CECR2: variants seen among roughly 807,000 people sequenced by gnomAD.
The protein encoded by CECR2 is CECR2 histone acetyl-lysine reader.
In CECR2, 30 loss-of-function variants were observed where a neutral mutation model predicts 154.5. The observed-to-expected ratio is 0.19, with a 90% CI of 0.15 to 0.26. CECR2 has a LOEUF of 0.26. CECR2 is among the 10% of genes least tolerant of loss of function. CECR2 has a pLI of 1.00. For synonymous variants in CECR2, 725 were observed against 683.7 expected (o/e 1.06, Z -0.94); for missense variants, 1,743 against 1,829.3 (o/e 0.95, Z 0.86).
At chr22:17,543,667 C>T (rs1342099006) in intron 16 of CECR2, among the ~76,000 whole-genome samples, 1 of 151,654 alleles carries the variant, frequency 6.6e-6, no homozygotes, top group Non-Finnish European at 1.5e-5. Flanking sequence ...TCAAGCAATT[C>T]TCCTGCCTCA....
At chr22:17,469,090 A>G (rs1051543017) in intron 1 of CECR2, among the ~76,000 whole-genome samples, 1 of 150,436 alleles carries the variant, frequency 6.6e-6, no homozygotes, top group African/African-American at 2.4e-5. Flanking sequence ...AATTTTATGT[A>G]CAATTTCAGT....
At chr22:17,373,696 T>C (rs1241902803) in intron 1 of CECR2, among the ~76,000 whole-genome samples, 4 of 152,204 alleles carry the variant, frequency 2.6e-5, no homozygotes, top group African/African-American at 9.7e-5. Context: ...CAGTAGTTGA[T>C]ATAAACAGAT....
At chr22:17,516,382 C>G (rs925037460) in intron 8 of CECR2, among the ~76,000 whole-genome samples, 1 of 152,086 alleles carries the variant, frequency 6.6e-6, no homozygotes, top group Non-Finnish European at 1.5e-5. Flanking sequence ...GAACACAAAT[C>G]TCGAAGTGCA....
chr22:17,442,136 GGGAAA>G (rs1267546210), intron 1 of CECR2, among the ~76,000 whole-genome samples: 6 of 132,572 alleles, frequency 4.5e-5, no homozygotes, highest in African/African-American at 2.2e-4. Flanking sequence ...GATTCAAGGT[GGGAAA>G]GACAGAAAAA....
At chr22:17,473,965 A>G (rs1256506065) in intron 1 of CECR2, among the ~76,000 whole-genome samples, 1 of 152,242 alleles carries the variant, frequency 6.6e-6, no homozygotes, top group African/African-American at 2.4e-5. Flanking sequence ...CTGTTTTGAT[A>G]GAACATTCTT....
At chr22:17,524,037 A>T in intron 8 of CECR2, 81 bp from the exon 9 acceptor site, 1 of 1,123,890 alleles carries the variant, frequency 8.9e-7, no homozygotes, top group Non-Finnish European at 1.3e-6. Flanking sequence ...TGTTGAAAAT[A>T]CTGAATTCAA....
chr22:17,436,752 C>T (rs767110902), intron 1 of CECR2, among the ~76,000 whole-genome samples: 3 of 152,120 alleles, frequency 2.0e-5, no homozygotes, highest in Non-Finnish European at 4.4e-5. Flanking sequence ...GAAAAAGGGG[C>T]GGAGGAGAAG....
intron 6 of CECR2, among the ~76,000 whole-genome samples, chr22:17,504,384 A>T (rs1348301040): frequency 6.6e-6 from 1 of 151,874 alleles, no homozygotes; most frequent in African/African-American, 2.4e-5. Context: ...CAAAAAAAAT[A>T]AAATTAAGTA....
chr22:17,385,270 G>T (rs1461973841), intron 1 of CECR2, among the ~76,000 whole-genome samples: 1 of 152,112 alleles, frequency 6.6e-6, no homozygotes, highest in Non-Finnish European at 1.5e-5. Flanking sequence ...TGGCTAACTG[G>T]CTCAAGAGGC....
At chr22:17,524,582 C>T (rs1389618209) in intron 9 of CECR2, among the ~76,000 whole-genome samples, 2 of 135,420 alleles carry the variant, frequency 1.5e-5, no homozygotes, top group African/African-American at 2.9e-5. Flanking sequence ...TTAGTTGAGA[C>T]GGGGTTTCAC....
At chr22:17,490,600 A>G (rs1011462891) in intron 2 of CECR2, among the ~76,000 whole-genome samples, 1 of 151,390 alleles carries the variant, frequency 6.6e-6, no homozygotes, top group Non-Finnish European at 1.5e-5. Context: ...ACGCCCGGCT[A>G]ATTTTTTTTT....
At chr22:17,525,059 G>A (rs568273484) in intron 9 of CECR2, among the ~76,000 whole-genome samples, 41 of 149,322 alleles carry the variant, frequency 2.7e-4, no homozygotes, top group Non-Finnish European at 1.2e-4. Flanking sequence ...CAAGGGGGGC[G>A]GATCACATGA....
chr22:17,397,679 A>G (rs1220765321), intron 1 of CECR2, among the ~76,000 whole-genome samples: 1 of 150,874 alleles, frequency 6.6e-6, no homozygotes, highest in Non-Finnish European at 1.5e-5. Context: ...TTGTACTTTT[A>G]GTAGAAACGG....
At chr22:17,380,306 C>T (rs2063172347) in intron 1 of CECR2, among the ~76,000 whole-genome samples, 1 of 152,174 alleles carries the variant, frequency 6.6e-6, no homozygotes, top group African/African-American at 2.4e-5. Context: ...GTTAGCCATA[C>T]ACTCATTTAA....
At chr22:17,453,136 G>C (rs556769608) in intron 1 of CECR2, among the ~76,000 whole-genome samples, 1 of 151,962 alleles carries the variant, frequency 6.6e-6, no homozygotes, top group Non-Finnish European at 1.5e-5. Context: ...AGGTCTTTTC[G>C]TGCAGGCTAT....
At chr22:17,396,786 C>A (rs1385003290) in intron 1 of CECR2, among the ~76,000 whole-genome samples, 3 of 152,118 alleles carry the variant, frequency 2.0e-5, no homozygotes, top group South Asian at 2.1e-4. Flanking sequence ...AAGATCACTT[C>A]ACTGTTAGTA....
upstream of CECR2, among the ~76,000 whole-genome samples, chr22:17,366,703 G>A (rs975047945): frequency 6.6e-6 from 1 of 152,148 alleles, no homozygotes; most frequent in African/African-American, 2.4e-5. Context: ...AAGGGGAGGC[G>A]TGGCACAGAT....
intron 1 of CECR2, among the ~76,000 whole-genome samples, chr22:17,404,038 T>C (rs112101295): frequency 0.018 from 2,723 of 151,796 alleles, 72 homozygotes; most frequent in African/African-American, 0.063. Context: ...GTCAGGAGGA[T>C]CACGAGGTCA....
intron 1 of CECR2, among the ~76,000 whole-genome samples, chr22:17,391,230 G>T (rs2063322576): frequency 2.0e-5 from 3 of 152,192 alleles, no homozygotes; most frequent in Admixed American, 1.3e-4. Flanking sequence ...ATCCTCAGTT[G>T]TCCCCACAGT....
Sources: gnomAD v4.1 joint callset for allele counts (sites outside exome capture counted in the v4.1 genomes callset) on GRCh38, gnomAD v4.1.1 for gene constraint, MANE v1.5 for transcripts, NCBI Gene and HGNC (gene_info 2026-07-23, HGNC 2026-07-21) for gene names.